MYCT1: variants seen among roughly 807,000 people sequenced by gnomAD.
MYCT1 encodes the protein MYC target 1, also known as myc target protein 1.
In MYCT1, 12 loss-of-function variants were observed where a neutral mutation model predicts 15.0. The ratio of observed to expected loss-of-function variants is 0.80; its 90% CI spans 0.51 to 1.29. The LOEUF (loss-of-function observed/expected upper bound fraction) is 1.29, where lower values mean the gene tolerates loss of function less well. MYCT1 is among the 50% of genes most tolerant of loss of function. MYCT1 has a pLI of 0.00. For missense variants in MYCT1, 287 were observed against 279.1 expected (o/e 1.03, Z -0.20); for synonymous variants, 104 against 102.7 (o/e 1.01, Z -0.07).
At chr6:152,703,196 G>A (rs1424347013) in intron 1 of MYCT1, among the ~76,000 whole-genome samples, 2 of 152,144 alleles carry the variant, frequency 1.3e-5, no homozygotes, top group African/African-American at 4.8e-5. Context: ...ACTATATGTA[G>A]TATTTTCAAT....
chr6:152,734,625 T>C, the MYCT1 span, among the ~76,000 whole-genome samples: 9 of 152,330 alleles, frequency 5.9e-5, no homozygotes, highest in African/African-American at 2.2e-4. Flanking sequence ...GAAATTCTCA[T>C]TGGAAAAGAC....
the MYCT1 span, among the ~76,000 whole-genome samples, chr6:152,731,857 C>T: frequency 2.9e-3 from 447 of 151,954 alleles, 5 homozygotes; most frequent in African/African-American, 0.01. Context: ...AAGCTATCCT[C>T]CCACCTCAGC....
At chr6:152,721,142 G>T (rs1212691788) in intron 1 of MYCT1, among the ~76,000 whole-genome samples, 1 of 152,138 alleles carries the variant, frequency 6.6e-6, no homozygotes, top group Non-Finnish European at 1.5e-5. Flanking sequence ...TCATCAAAGA[G>T]TCAGAGATAT....
the MYCT1 span, among the ~76,000 whole-genome samples, chr6:152,742,065 A>C: frequency 6.6e-6 from 1 of 152,226 alleles, no homozygotes; most frequent in African/African-American, 2.4e-5. Flanking sequence ...CATCTGAAAT[A>C]GTTACTGAGC....
At chr6:152,740,017 T>G in the MYCT1 span, among the ~76,000 whole-genome samples, 5 of 151,978 alleles carry the variant, frequency 3.3e-5, no homozygotes, top group African/African-American at 1.2e-4. Flanking sequence ...TCTTAAATAT[T>G]TTATATATGT....
chr6:152,719,987 C>T (rs150596682), intron 1 of MYCT1, among the ~76,000 whole-genome samples: 20 of 152,204 alleles, frequency 1.3e-4, no homozygotes, highest in Non-Finnish European at 2.4e-4. Context: ...GTAGCTTAAA[C>T]TAATAATAAT....
At chr6:152,721,642 T>G in intron 1 of MYCT1, 100 bp from the exon 2 acceptor site, 2 of 1,111,174 alleles carry the variant, frequency 1.8e-6, no homozygotes, top group East Asian at 4.9e-5. Flanking sequence ...ATGTTTAAAT[T>G]AATCATGTAT....
chr6:152,703,940 TTTTTATTTTATTTTATTTTA>T (rs200449869), intron 1 of MYCT1, among the ~76,000 whole-genome samples: 45,029 of 122,660 alleles, frequency 0.37, 9,611 homozygotes, highest in South Asian at 0.47. Flanking sequence ...TTTTCCCTGT[TTTTTATTTTATTTTATTTTA>T]TTTTATTTTA....
chr6:152,715,809 C>T (rs2099723548), intron 1 of MYCT1, among the ~76,000 whole-genome samples: 1 of 152,056 alleles, frequency 6.6e-6, no homozygotes, highest in Admixed American at 6.6e-5. Context: ...GGAGCCAGCC[C>T]ATCTGATGTA....
chr6:152,722,011 T>G lies in MYCT1; in HGVS notation c.466T>G (p.Phe156Val). The G allele has an allele frequency of 6.2e-7, 1 of 1,614,178 alleles. No homozygotes were observed. The highest frequency in any genetic ancestry group is 8.5e-7 in the Non-Finnish European group (1 of 1,180,028). Residue 156 changes from phenylalanine to valine, a missense_variant, in exon 2 of 2, where the codon TTT becomes GTT. Phe to Val is a conservative substitution (Grantham distance 50, BLOSUM62 -1). Coordinates refer to ENST00000367245, the MANE Select transcript of MYCT1 (RefSeq NM_025107.3). The stretch of plus-strand genomic sequence containing the variant: ...AGCTTCCCTGGAACAAGCAAATTCC[T>G]TTCCAAGAAAATCAAGTTTCAGAGC... ...RQASLEQANSFPRKSSFRAST... is the reference protein window; with the variant it reads ...RQASLEQANSVPRKSSFRAST...
intron 1 of MYCT1, among the ~76,000 whole-genome samples, chr6:152,701,557 T>C (rs1016803788): frequency 6.6e-6 from 1 of 152,070 alleles, no homozygotes; most frequent in African/African-American, 2.4e-5. Flanking sequence ...TTCTTTAAGG[T>C]TGGAGAGGGT....
intron 1 of MYCT1, among the ~76,000 whole-genome samples, chr6:152,708,092 A>T (rs2099722623): frequency 6.6e-6 from 1 of 151,906 alleles, no homozygotes; most frequent in Non-Finnish European, 1.5e-5. Context: ...TTGGCATCTT[A>T]ATAATATTGA....
intron 1 of MYCT1, among the ~76,000 whole-genome samples, chr6:152,702,860 G>A (rs2099721571): frequency 1.3e-5 from 2 of 152,122 alleles, no homozygotes; most frequent in Non-Finnish European, 2.9e-5. Context: ...ACAAATGCTT[G>A]TCTTCAAAAT....
downstream of MYCT1, among the ~76,000 whole-genome samples, chr6:152,726,595 G>A (rs368212129): frequency 3.2e-4 from 49 of 152,194 alleles, no homozygotes; most frequent in South Asian, 9.7e-3. Flanking sequence ...ACTGGACAGG[G>A]CACATGAGCC....
At chr6:152,702,057 G>A (rs1284219639) in intron 1 of MYCT1, among the ~76,000 whole-genome samples, 1 of 152,070 alleles carries the variant, frequency 6.6e-6, no homozygotes, top group African/African-American at 2.4e-5. Flanking sequence ...ATAAGTACCA[G>A]TTCCTCTGGG....
chr6:152,740,322 C>G, the MYCT1 span, among the ~76,000 whole-genome samples: 1 of 152,044 alleles, frequency 6.6e-6, no homozygotes, highest in Non-Finnish European at 1.5e-5. Flanking sequence ...AGTGCTGGGA[C>G]TATAGGCGTG....
intron 1 of MYCT1, among the ~76,000 whole-genome samples, chr6:152,715,366 C>T (rs1394917577): frequency 1.3e-5 from 2 of 152,132 alleles, no homozygotes; most frequent in African/African-American, 4.8e-5. Context: ...CAGAATATGG[C>T]TTGTGCTTTA....
chr6:152,700,731 G>A (rs1469987523), intron 1 of MYCT1, among the ~76,000 whole-genome samples: 1 of 152,134 alleles, frequency 6.6e-6, no homozygotes, highest in Non-Finnish European at 1.5e-5. Flanking sequence ...TAAGGCAATA[G>A]GAGACAAATA....
the MYCT1 span, among the ~76,000 whole-genome samples, chr6:152,738,557 C>T: frequency 4.6e-5 from 7 of 152,236 alleles, no homozygotes; most frequent in East Asian, 1.4e-3. Flanking sequence ...AAATGACACT[C>T]TGCCAGTTAA....
Sources: allele counts gnomAD v4.1 joint callset (sites outside exome capture counted in the v4.1 genomes callset), GRCh38; gene constraint gnomAD v4.1.1; transcripts MANE v1.5; gene names NCBI Gene and HGNC (gene_info 2026-07-23, HGNC 2026-07-21).